HLA-DRB1: variants seen among roughly 807,000 people sequenced by gnomAD.
The protein encoded by HLA-DRB1 is major histocompatibility complex, class II, DR beta 1 precursor.
A neutral mutation model predicts 27.9 loss-of-function variants in HLA-DRB1; 10 were observed. The ratio of observed to expected loss-of-function variants is 0.36; its 90% confidence interval spans 0.22 to 0.61. The LOEUF (loss-of-function observed/expected upper bound fraction) is 0.61, where lower values mean the gene tolerates loss of function less well. Among genes scored for constraint, HLA-DRB1 ranks in the 20% least tolerant of loss-of-function variants. The probability of loss-of-function intolerance (pLI) is 0.73; values close to 1 mark genes in which losing one functional copy is unlikely to be tolerated. For synonymous variants in HLA-DRB1, 57 were observed against 126.7 expected, an observed-to-expected ratio of 0.45 and a Z score of 3.69; for missense variants, 118 against 306.3, an observed-to-expected ratio of 0.39 and a Z score of 4.59.
At chr6:32,580,882 A>C (rs771494838) in intron 3 of HLA-DRB1, 26 bp from the exon 4 acceptor site, 1 of 554,404 alleles carries the variant, frequency 1.8e-6, no homozygotes, top group African/African-American at 4.8e-5. Flanking sequence ...AGGTTTAGTG[A>C]TGTTTATTCC....
At chr6:32,582,309 T>A (rs28723988) in intron 2 of HLA-DRB1, among the ~76,000 whole-genome samples, 4 of 115,836 alleles carry the variant, frequency 3.5e-5, no homozygotes, top group East Asian at 5.3e-4. Flanking sequence ...TATAAAACAA[T>A]GACTGAAGAT....
At chr6:32,588,555 T>G (rs35840159) in intron 1 of HLA-DRB1, among the ~76,000 whole-genome samples, 1,168 of 44,874 alleles carry the variant, frequency 0.026, 7 homozygotes, top group East Asian at 0.064. Context: ...TGGGGAAAAA[T>G]AGAAACTGGA....
chr6:32,586,472 A>T (rs113134152), intron 1 of HLA-DRB1, among the ~76,000 whole-genome samples: 1 of 76,062 alleles, frequency 1.3e-5, no homozygotes, highest in Admixed American at 1.3e-4. Flanking sequence ...AAAATAATCT[A>T]TTTTCCTGGA....
chr6:32,588,699 G>T (rs35977326), intron 1 of HLA-DRB1, among the ~76,000 whole-genome samples: 1 of 57,878 alleles, frequency 1.7e-5, no homozygotes. Context: ...CCTATGAGAC[G>T]TGAACAATGT....
At chr6:32,588,994 T>G in intron 1 of HLA-DRB1, among the ~76,000 whole-genome samples, 1 of 103,446 alleles carries the variant, frequency 9.7e-6, no homozygotes, top group Non-Finnish European at 2.1e-5. Flanking sequence ...ATCTGTAAGG[T>G]GACTCCAAGT....
chr6:32,580,958 C>G, intron 3 of HLA-DRB1, 102 bp from the exon 4 acceptor site: 1 of 726,670 alleles, frequency 1.4e-6, no homozygotes, highest in South Asian at 2.1e-5. Flanking sequence ...AAAGCTGCCT[C>G]ACAAGAACTA....
chr6:32,582,388 G>T (rs1448169454), intron 2 of HLA-DRB1, among the ~76,000 whole-genome samples: 1 of 123,080 alleles, frequency 8.1e-6, no homozygotes, highest in East Asian at 2.3e-4. Flanking sequence ...TCACACTTGA[G>T]TGCTCCACTT....
At chr6:32,580,625 C>T (rs1286224357) in intron 4 of HLA-DRB1, 121 bp downstream of exon 4, 3 of 755,938 alleles carry the variant, frequency 4.0e-6, no homozygotes, top group African/African-American at 1.9e-5. Flanking sequence ...ACATTAGAGC[C>T]GTTTGGGGAA....
intron 3 of HLA-DRB1, among the ~76,000 whole-genome samples, chr6:32,581,117 G>A (rs41286837): frequency 0.32 from 21,276 of 65,744 alleles, 4,862 homozygotes; most frequent in Middle Eastern, 0.38. Flanking sequence ...GACTCAATGA[G>A]GATAAGTAGT....
chr6:32,588,300 AC>A (rs67691619), intron 1 of HLA-DRB1, among the ~76,000 whole-genome samples: 10,168 of 113,140 alleles, frequency 0.09, 626 homozygotes, highest in East Asian at 0.12. Context: ...TACCAAAATT[AC>A]AAAAATTAGC....
rs9270294 is a variant in HLA-DRB1 at position 32,589,562 on chromosome 6, G to T, written c.100+81C>A. 465 of 522,076 alleles carry T rather than the reference G, an allele frequency of 8.9e-4. 3 individuals are homozygous for T. Among genetic ancestry groups the T allele is most frequent in the South Asian group, 3.4e-3 (122 of 35,990 alleles). The allele number at this position is 522,076 out of a possible 1,614,324, so 32.3% of individuals were successfully genotyped here. A position where few individuals can be genotyped will look rare whatever the true frequency, so the allele number is the denominator to read the frequency against. ...AAGAAAACGTCACAATTTCTTAAGG[G>T]ACATGGCCTGGGCACAATGTTAACA... On this transcript the variant is annotated intron_variant, in intron 1 of 5. Transcript: ENST00000360004.
chr6:32,589,353 C>A (rs34595290), intron 1 of HLA-DRB1, among the ~76,000 whole-genome samples: 28,114 of 135,610 alleles, frequency 0.21, 122 homozygotes, highest in East Asian at 0.26. Context: ...ATTTTAGAAT[C>A]CTTATTTCTA....
intron 1 of HLA-DRB1, among the ~76,000 whole-genome samples, chr6:32,587,850 A>C (rs9270165): frequency 0.49 from 63,370 of 130,508 alleles, 15,543 homozygotes; most frequent in Middle Eastern, 0.66. Flanking sequence ...CCATGAGAGT[A>C]GGGACGCTCT....
At chr6:32,588,304 A>C (rs35002096) in intron 1 of HLA-DRB1, among the ~76,000 whole-genome samples, 1 of 134,178 alleles carries the variant, frequency 7.5e-6, no homozygotes, top group Non-Finnish European at 1.6e-5. Context: ...AAAATTACAA[A>C]AATTAGCTGG....
Position 32,581,123 on chromosome 6 carries a change from G to A in HLA-DRB1, c.653-267C>T, listed in dbSNP as rs774461565. Reference sequence around the variant, plus strand: ...AAAGCCTGAGACTCAATGAGGATAAGTAGTTTGTCTAGAGTGACAAAGCTA... The same window carrying A: ...AAAGCCTGAGACTCAATGAGGATAAATAGTTTGTCTAGAGTGACAAAGCTA... On this transcript the variant is annotated intron_variant, in intron 3 of 5. Coordinates refer to ENST00000360004, the Ensembl canonical transcript of HLA-DRB1. Among the ~76,000 whole-genome samples the A allele has an allele frequency of 9.2e-3, 745 of 80,956 alleles. 39 individuals carry two copies. The highest frequency in any genetic ancestry group is 0.025 in the South Asian group (64 of 2,570). 53.1% of individuals were successfully genotyped at this position (80,956 alleles called of 152,430 possible).
chr6:32,582,131 C>A (rs1775627091), intron 2 of HLA-DRB1, among the ~76,000 whole-genome samples: 1 of 121,312 alleles, frequency 8.2e-6, no homozygotes, highest in Non-Finnish European at 1.7e-5. Context: ...GTAATTAAAA[C>A]TGATATTTGA....
intron 2 of HLA-DRB1, among the ~76,000 whole-genome samples, chr6:32,582,735 T>C (rs41283747): frequency 0.27 from 22,690 of 82,578 alleles, 4,547 homozygotes; most frequent in Middle Eastern, 0.39. Flanking sequence ...TAATTATTAT[T>C]AGGCCTATCA....
At chr6:32,589,393 T>G (rs369917557) in intron 1 of HLA-DRB1, among the ~76,000 whole-genome samples, 2,636 of 135,848 alleles carry the variant, frequency 0.019, 172 homozygotes, top group East Asian at 0.045. Flanking sequence ...GGACATGTGA[T>G]GCAAAGGTTT....
At chr6:32,585,246 A>G (rs115622534) in intron 1 of HLA-DRB1, among the ~76,000 whole-genome samples, 25,365 of 74,206 alleles carry the variant, frequency 0.34, 7,712 homozygotes, top group Middle Eastern at 0.48. Flanking sequence ...ACTCTAAGAA[A>G]CAGCCTGGTA....
Sources: allele counts gnomAD v4.1 joint callset (sites outside exome capture counted in the v4.1 genomes callset), GRCh38; gene constraint gnomAD v4.1.1; transcripts MANE v1.5; gene names NCBI Gene and HGNC (gene_info 2026-07-23, HGNC 2026-07-21).